The following CYGB variants were observed in gnomAD, a reference collection of about 807,000 sequenced individuals.
CYGB encodes histoglobin.
CYGB carries 13 observed loss-of-function variants against 20.7 expected under a neutral mutation model. The observed-to-expected ratio is 0.63, with a 90% CI of 0.41 to 1.00. The LOEUF is 1.00. Ranked by LOEUF, CYGB falls within the 50% of genes least tolerant of loss-of-function variation. The pLI is 0.00. For missense variants in CYGB, 218 were observed against 257.2 expected (o/e 0.85, Z 1.04); for synonymous variants, 93 against 107.4 (o/e 0.87, Z 0.83).
upstream of CYGB, chr17:76,539,956 G>A (rs909278652): frequency 1.1e-5 from 7 of 627,482 alleles, no homozygotes; most frequent in Non-Finnish European, 2.0e-5. Context: ...TGGGCCCAGT[G>A]AGCTTAATCA....
chr17:76,542,656 G>A (rs768279494), upstream of CYGB: 4 of 1,490,622 alleles, frequency 2.7e-6, no homozygotes, highest in Admixed American at 5.0e-5. Context: ...TGGGAGCCGG[G>A]GAGGGCAGAG....
rs1280089315 is a variant in CYGB, at chr17:76,530,292, A to C, written c.539+687T>G. Among the ~76,000 whole-genome samples, 2 of 151,838 alleles carry C rather than the reference A, an allele frequency of 1.3e-5. No homozygotes were observed. Among genetic ancestry groups the C allele is most frequent in the Non-Finnish European group, 2.9e-5 (2 of 67,916 alleles). Reference sequence around the variant, plus strand: ...GGGAGGCCGAGTGTTCCCAACCGCCACATCTGGGGGCTAGCCCTCCCCTCA... The same window carrying C: ...GGGAGGCCGAGTGTTCCCAACCGCCCCATCTGGGGGCTAGCCCTCCCCTCA... On this transcript the variant is annotated intron_variant, in intron 3 of 3. Coordinates refer to ENST00000293230, the MANE Select transcript of CYGB (RefSeq NM_134268.5). This position sits in a 1 kb window ranked among gnomAD's most constrained non-coding sequence, Gnocchi z 6.1.
In CYGB at chr17:76,527,438, C is replaced by T; in HGVS notation, c.*1140G>A. On this transcript the variant is annotated 3_prime_UTR_variant, in exon 4 of 4. Transcript: ENST00000293230. Reference sequence around the variant, plus strand: ...ACTAGAAAAGGAGGACGGGCGGTTGCACAGATGAGGATGAGGATGAAGATG... The same window carrying T: ...ACTAGAAAAGGAGGACGGGCGGTTGTACAGATGAGGATGAGGATGAAGATG... 2.7e-6 allele frequency: 1 copy of T among 369,652 alleles called. No individual in the cohort carries two copies. Among genetic ancestry groups the T allele is most frequent in the Non-Finnish European group, 5.3e-6 (1 of 187,566 alleles). The allele number at this position is 369,652 out of a possible 1,614,324, so 22.9% of individuals were successfully genotyped here. A position where few individuals can be genotyped will look rare whatever the true frequency, so the allele number is the denominator to read the frequency against.
Position 76,532,626 on chromosome 17 carries a change from G to GGTTCAA in CYGB, c.144-941_144-936dup, listed in dbSNP as rs1399466230. Among the ~76,000 whole-genome samples, 20 of 151,342 alleles carry GGTTCAA rather than the reference G, an allele frequency of 1.3e-4. No individual in the cohort carries two copies. The East Asian group carries it at 3.5e-3, about 26-fold the overall frequency. ...GGCTCGCTGCAACCTCTGCCTCCTG[G>GGTTCAA]GTTCAAGTGATTCTCTTGCCTCAGC... On this transcript the variant is annotated intron_variant, in intron 1 of 3. Coordinates refer to ENST00000293230, the MANE Select transcript of CYGB (RefSeq NM_134268.5).
chr17:76,540,258 G>A (rs747650092), upstream of CYGB: 4 of 1,100,756 alleles, frequency 3.6e-6, 1 homozygote, highest in East Asian at 2.5e-5. The surrounding 1 kb of genome is among the most constrained non-coding windows in gnomAD (Gnocchi z 5.0). Flanking sequence ...GGTCGGGGGG[G>A]GGGGGCATGG....
chr17:76,529,820 G>A, intron 3 of CYGB: 1 of 985,370 alleles, frequency 1.0e-6, no homozygotes, highest in Non-Finnish European at 1.2e-6. Flanking sequence ...GTCTCAGGCA[G>A]GCCAGGGCCC....
Position 76,533,141 on chromosome 17 carries a change from A to G in CYGB, c.144-1450T>C, listed in dbSNP as rs1038913425. On this transcript the variant is annotated intron_variant, in intron 1 of 3. Transcript: ENST00000293230. This position sits in a 1 kb window ranked among gnomAD's most constrained non-coding sequence, Gnocchi z 4.5. ...CTGGTGGAACTGCTATTGGCGGGGAAGTTTGCACAGTGACCAGGGCACAGT... is the reference window on the plus strand; with the variant it reads ...CTGGTGGAACTGCTATTGGCGGGGAGGTTTGCACAGTGACCAGGGCACAGT... 2.6e-5 allele frequency among the ~76,000 whole-genome samples: 4 copies of G among 152,146 alleles called. No homozygotes were observed. The highest frequency in any genetic ancestry group is 9.7e-5 in the African/African-American group (4 of 41,438).
chr17:76,545,080 G>A (rs1567913965), intron 1 of CYGB: 1 of 453,386 alleles, frequency 2.2e-6, no homozygotes, highest in Non-Finnish European at 4.4e-6. Flanking sequence ...TCTCCCCCAG[G>A]GAGCAGGCTG....
At chr17:76,544,605 G>GC in intron 1 of CYGB, 1 of 456,754 alleles carries the variant, frequency 2.2e-6, no homozygotes, top group Non-Finnish European at 4.4e-6. Flanking sequence ...CAGGCCGTGA[G>GC]CCCGTGATCG....
intron 1 of CYGB, among the ~76,000 whole-genome samples, chr17:76,534,174 C>CTCTCTCTG (rs1567907867): frequency 9.4e-6 from 1 of 106,072 alleles, no homozygotes. Flanking sequence ...CTCTCTCTCT[C>CTCTCTCTG]TCTTTCTTTC....
chr17:76,529,545 C>A (rs2074809691), intron 3 of CYGB: 4 of 985,240 alleles, frequency 4.1e-6, no homozygotes, highest in Non-Finnish European at 4.8e-6. Flanking sequence ...TCCAGTCTCT[C>A]TTGGCCCTTG....
Position 76,531,740 on chromosome 17 carries a change from C to T in CYGB, c.144-49G>A. ...CGCTGAAGCTGGAGGCTGCCTCGGGCCCACCCTGAAGCTTCCAGGATAGTG... is the reference window on the plus strand; with the variant it reads ...CGCTGAAGCTGGAGGCTGCCTCGGGTCCACCCTGAAGCTTCCAGGATAGTG... On this transcript the variant is annotated intron_variant, in intron 1 of 3. Coordinates refer to ENST00000293230, the MANE Select transcript of CYGB (RefSeq NM_134268.5). The surrounding 1 kb of genome is among the most constrained non-coding windows in gnomAD (Gnocchi z 7.4). 2.0e-6 allele frequency: 3 copies of T among 1,505,958 alleles called. No homozygotes were observed. The highest frequency in any genetic ancestry group is 2.7e-6 in the Non-Finnish European group (3 of 1,103,914). 93.3% of individuals were successfully genotyped at this position (1,505,958 alleles called of 1,614,324 possible).
In CYGB at chr17:76,527,645, G is replaced by A. The variant is rs1435548850; in HGVS notation, c.*933C>T. 3 of 453,844 alleles carry A rather than the reference G, an allele frequency of 6.6e-6. No individual in the cohort carries two copies. The highest frequency in any genetic ancestry group is 2.3e-5 in the Admixed American group (1 of 42,570). 28.1% of individuals were successfully genotyped at this position (453,844 alleles called of 1,614,324 possible). A position where few individuals can be genotyped will look rare whatever the true frequency, so the allele number is the denominator to read the frequency against. ...GGGGTGGGGAAAGCCCTCGGCCCTC[G>A]GAGCTGAGGGTGAGACCCAGGCATG... On this transcript the variant is annotated 3_prime_UTR_variant, in exon 4 of 4. Transcript: ENST00000293230.
intron 1 of CYGB, among the ~76,000 whole-genome samples, chr17:76,535,089 C>T (rs962942011): frequency 2.6e-5 from 4 of 152,192 alleles, no homozygotes; most frequent in Non-Finnish European, 2.9e-5. Flanking sequence ...GGTGGGTGTT[C>T]CCTCTTGGTC....
At chr17:76,534,146 T>TTCTCTCTCTCTTTCTCTTTC (rs2074886183) in intron 1 of CYGB, among the ~76,000 whole-genome samples, 1 of 128,902 alleles carries the variant, frequency 7.8e-6, no homozygotes, top group African/African-American at 2.7e-5. Flanking sequence ...CTCTTTCTCT[T>TTCTCTCTCTCTTTCTCTTTC]TCTCTCTCTC....
At position 76,528,660 on chromosome 17, in the gene CYGB, A is replaced by G; in HGVS notation, c.540-49T>C. Reference sequence around the variant, plus strand: ...GGACAAACGTTACCAGAGGCAGGGAAGGACCCTCGGGGGAAAGGGGGAGGA... The same window carrying G: ...GGACAAACGTTACCAGAGGCAGGGAGGGACCCTCGGGGGAAAGGGGGAGGA... On this transcript the variant is annotated intron_variant, in intron 3 of 3. Transcript: ENST00000293230. The surrounding 1 kb of genome is among the most constrained non-coding windows in gnomAD (Gnocchi z 5.8). 2.4e-6 allele frequency: 3 copies of G among 1,255,522 alleles called. No individual in the cohort carries two copies. Among genetic ancestry groups the G allele is most frequent in the Non-Finnish European group, 3.0e-6 (3 of 990,940 alleles). 77.8% of individuals were successfully genotyped at this position (1,255,522 alleles called of 1,614,324 possible).
rs537542184 is a variant in CYGB at position 76,533,003 on chromosome 17, C to T, written c.144-1312G>A. On this transcript the variant is annotated intron_variant, in intron 1 of 3. Transcript: ENST00000293230. The surrounding 1 kb of genome is among the most constrained non-coding windows in gnomAD (Gnocchi z 4.5). The stretch of plus-strand genomic sequence containing the variant: ...TCTGCCCCTTCGTGTGTCCCCTTTG[C>T]GATCAGAGAGAGCTGATAATTTGCG... Among the ~76,000 whole-genome samples, 4 of 152,322 alleles carry T rather than the reference C, an allele frequency of 2.6e-5. No homozygotes were observed. Among genetic ancestry groups the T allele is most frequent in the Non-Finnish European group, 4.4e-5 (3 of 68,032 alleles).
chr17:76,537,610 G>T lies in CYGB; in HGVS notation c.-68C>A, dbSNP rs1386395586. On this transcript the variant is annotated 5_prime_UTR_variant, in exon 1 of 4. Coordinates refer to ENST00000293230, the MANE Select transcript of CYGB (RefSeq NM_134268.5). ...TGGCGGGGCGCGGGGCGCGGGGCGC[G>T]GGGCGCCGGGAGCCGGGGCCGGCTG... The T allele has an allele frequency of 9.8e-7, 1 of 1,023,820 alleles. No individual in the cohort carries two copies. The highest frequency in any genetic ancestry group is 1.7e-5 in the African/African-American group (1 of 57,466). The allele number at this position is 1,023,820 out of a possible 1,614,324, so 63.4% of individuals were successfully genotyped here.
At chr17:76,538,521 G>T (rs1332063574), upstream of CYGB, 15 of 465,636 alleles carry the variant, frequency 3.2e-5, no homozygotes, top group Non-Finnish European at 6.2e-5. Context: ...AGAACCAGCC[G>T]CTGCCCTGAA....
Sources: gnomAD v4.1 joint callset for allele counts (sites outside exome capture counted in the v4.1 genomes callset) on GRCh38, gnomAD v4.1.1 for gene constraint, Gnocchi (gnomAD v3.1) non-coding constraint, MANE v1.5 for transcripts, NCBI Gene and HGNC (gene_info 2026-07-23, HGNC 2026-07-21) for gene names.